NPAS2: variants seen among roughly 807,000 people sequenced by gnomAD.
NPAS2 encodes neuronal PAS domain protein 2, also known as neuronal PAS domain-containing protein 2.
In NPAS2, 23 loss-of-function variants were observed where a neutral mutation model predicts 107.5. The observed-to-expected ratio is 0.21, with a 90% CI of 0.15 to 0.30. The LOEUF (loss-of-function observed/expected upper bound fraction) is 0.30, where lower values mean the gene tolerates loss of function less well. Ranked by LOEUF, NPAS2 falls within the 10% of genes least tolerant of loss-of-function variation. The probability of loss-of-function intolerance (pLI) is 1.00; values close to 1 mark genes in which losing one functional copy is unlikely to be tolerated. For synonymous variants in NPAS2, 403 were observed against 417.5 expected (o/e 0.97, Z 0.42); for missense variants, 756 against 1,043.3 (o/e 0.72, Z 3.79).
At chr2:100,931,633 C>T (rs1683968128) in intron 3 of NPAS2, among the ~76,000 whole-genome samples, 1 of 151,940 alleles carries the variant, frequency 6.6e-6, no homozygotes, top group Non-Finnish European at 1.5e-5. Context: ...ACTACAGGAG[C>T]CCACCACCAC....
intron 1 of NPAS2, among the ~76,000 whole-genome samples, chr2:100,887,834 C>T (rs748900888): frequency 6.6e-6 from 1 of 152,210 alleles, no homozygotes; most frequent in Non-Finnish European, 1.5e-5. Flanking sequence ...CCCCTCTCCG[C>T]GAACGGGCCC....
intron 1 of NPAS2, among the ~76,000 whole-genome samples, chr2:100,868,559 G>C (rs1252265136): frequency 6.6e-6 from 1 of 152,108 alleles, no homozygotes; most frequent in African/African-American, 2.4e-5. Context: ...ATTTTCTTTT[G>C]AATATTTCCT....
chr2:100,877,831 G>A, intron 1 of NPAS2: 1 of 420,390 alleles, frequency 2.4e-6, no homozygotes, highest in Non-Finnish European at 3.2e-6. Context: ...TTCAGCCGGT[G>A]CATCCTTTTT....
chr2:100,963,888 A>G (rs1010917197), intron 7 of NPAS2, among the ~76,000 whole-genome samples, 170 bp from the exon 8 acceptor site: 7 of 152,140 alleles, frequency 4.6e-5, no homozygotes, highest in African/African-American at 1.7e-4. Context: ...TCTTTTTGCA[A>G]TGGGAATAAT....
Position 100,941,516 on chromosome 2 carries a change from T to C in NPAS2, c.363+3674T>C, listed in dbSNP as rs143483608. On this transcript the variant is annotated intron_variant, in intron 5 of 20. Transcript: ENST00000335681. ...AGGAGGAGGTTGCAGTGAGCCAAGATCACGCCACTGCACCTCAGCCAGGGT... is the reference window on the plus strand; with the variant it reads ...AGGAGGAGGTTGCAGTGAGCCAAGACCACGCCACTGCACCTCAGCCAGGGT... 3.7e-3 allele frequency among the ~76,000 whole-genome samples: 562 copies of C among 151,922 alleles called. 3 individuals carry two copies. Among genetic ancestry groups the C allele is most frequent in the African/African-American group, 0.013 (522 of 41,412 alleles).
At chr2:100,934,375 G>T (rs893394969) in intron 4 of NPAS2, among the ~76,000 whole-genome samples, 7 of 150,602 alleles carry the variant, frequency 4.6e-5, no homozygotes, top group African/African-American at 1.5e-4. Flanking sequence ...TAGGGCTTTT[G>T]TAAAGTTAAA....
chr2:100,920,492 G>A (rs1248390577), intron 2 of NPAS2, among the ~76,000 whole-genome samples: 2 of 152,050 alleles, frequency 1.3e-5, no homozygotes, highest in African/African-American at 4.8e-5. Context: ...TTAATAACTG[G>A]ATGTTTGAGT....
intron 2 of NPAS2, among the ~76,000 whole-genome samples, chr2:100,912,445 G>T (rs1338387501): frequency 6.6e-6 from 1 of 152,096 alleles, no homozygotes; most frequent in Admixed American, 6.5e-5. Flanking sequence ...CTGGGTTTCT[G>T]TTGCTATGTA....
At chr2:100,825,369 A>G (rs1676310246) in intron 1 of NPAS2, among the ~76,000 whole-genome samples, 1 of 152,244 alleles carries the variant, frequency 6.6e-6, no homozygotes, top group African/African-American at 2.4e-5. Flanking sequence ...ATTTCAAGAT[A>G]TATTTTCCGT....
chr2:100,969,982 G>A (rs1003955671), intron 11 of NPAS2, among the ~76,000 whole-genome samples: 11 of 152,192 alleles, frequency 7.2e-5, no homozygotes, highest in African/African-American at 2.7e-4. Context: ...CACCATACAT[G>A]TATCAGGTCA....
At chr2:100,859,518 G>A (rs75825259) in intron 1 of NPAS2, among the ~76,000 whole-genome samples, 6,164 of 152,264 alleles carry the variant, frequency 0.04, 240 homozygotes, top group African/African-American at 0.093. Context: ...CAGTCTAGGG[G>A]ACAGGGGTGG....
chr2:100,948,123 C>T (rs2105043736), intron 5 of NPAS2, 112 bp from the exon 6 acceptor site: 6 of 1,214,216 alleles, frequency 4.9e-6, no homozygotes, highest in Non-Finnish European at 5.9e-6. Context: ...AGATATTGAA[C>T]TTTCCATTTC....
rs753902734 is a variant in NPAS2 at position 100,982,307 on chromosome 2, T to G, written c.1559T>G (p.Ile520Ser). ...CGGACGCGGATCCTGCAGGCCAATA[T>G]CCGGTGGCAACAGGAAGAGCTCCAC... is the stretch of plus-strand genomic sequence containing the variant. Reference protein sequence around the residue: ...EQRTRILQANIRWQQEELHKI... With the variant: ...EQRTRILQANSRWQQEELHKI... Residue 520 changes from isoleucine to serine, a missense_variant, in exon 16 of 21, where the codon ATC becomes AGC. Physicochemically the swap from Ile to Ser is moderately radical, Grantham distance 142. Transcript: ENST00000335681. The G allele has an allele frequency of 1.2e-6, 2 of 1,614,070 alleles. No homozygotes were observed. Among genetic ancestry groups the G allele is most frequent in the Admixed American group, 1.7e-5 (1 of 60,004 alleles).
chr2:100,901,483 C>T (rs1186806976), intron 1 of NPAS2: 1 of 984,008 alleles, frequency 1.0e-6, no homozygotes. Flanking sequence ...AAACCCAGAA[C>T]TGGAAGAGCC....
intron 5 of NPAS2, among the ~76,000 whole-genome samples, chr2:100,940,300 C>T (rs1558892777): frequency 6.6e-6 from 1 of 152,186 alleles, no homozygotes; most frequent in Admixed American, 6.5e-5. Context: ...CCAGTCTGCT[C>T]TGGTGTCTTT....
At chr2:100,842,081 G>GCGCGCGCGCGCACA in intron 1 of NPAS2, among the ~76,000 whole-genome samples, 8 of 148,798 alleles carry the variant, frequency 5.4e-5, no homozygotes, top group African/African-American at 2.0e-4. Context: ...GCATGTACGC[G>GCGCGCGCGCGCACA]CACACACACA....
intron 5 of NPAS2, among the ~76,000 whole-genome samples, chr2:100,942,207 A>C (rs1674617049): frequency 6.6e-6 from 1 of 152,160 alleles, no homozygotes; most frequent in Non-Finnish European, 1.5e-5. Context: ...AGAAGAAAAT[A>C]CAAGACCAGA....
At chr2:100,832,939 G>A (rs1243247086) in intron 1 of NPAS2, among the ~76,000 whole-genome samples, 1 of 152,132 alleles carries the variant, frequency 6.6e-6, no homozygotes, top group Non-Finnish European at 1.5e-5. Flanking sequence ...TGCCCATTTT[G>A]TACTTCTTTG....
chr2:100,971,756 C>T (rs186233317), intron 12 of NPAS2, among the ~76,000 whole-genome samples: 1 of 152,154 alleles, frequency 6.6e-6, no homozygotes, highest in Non-Finnish European at 1.5e-5. Context: ...GTCCCTGGTC[C>T]TGGTCCATCA....
Sources: gnomAD v4.1 joint callset for allele counts (sites outside exome capture counted in the v4.1 genomes callset) on GRCh38, gnomAD v4.1.1 for gene constraint, MANE v1.5 for transcripts, NCBI Gene and HGNC (gene_info 2026-07-23, HGNC 2026-07-21) for gene names.